EYS: variants seen among roughly 807,000 people sequenced by gnomAD.
EYS encodes protein eyes shut homolog.
A neutral mutation model predicts 282.1 loss-of-function variants in EYS; 250 were observed. The ratio of observed to expected loss-of-function variants is 0.89; its 90% CI spans 0.80 to 0.98. The LOEUF is 0.98. Among genes scored for constraint, EYS ranks in the 50% least tolerant of loss-of-function variants. The probability of loss-of-function intolerance (pLI) is 0.00; values close to 1 mark genes in which losing one functional copy is unlikely to be tolerated. For synonymous variants in EYS, 1,355 were observed against 1,282.9 expected, an observed-to-expected ratio of 1.06 and a Z score of -1.20; for missense variants, 4,016 against 3,709.0, an observed-to-expected ratio of 1.08 and a Z score of -2.15.
intron 9 of EYS, among the ~76,000 whole-genome samples, chr6:65,349,008 T>G (rs1770502239): frequency 6.6e-6 from 1 of 151,686 alleles, no homozygotes; most frequent in South Asian, 2.1e-4. Context: ...TTGTATCTAT[T>G]TCAATTTAAT....
chr6:65,413,207 T>A (rs973502571), intron 5 of EYS, among the ~76,000 whole-genome samples: 1 of 152,170 alleles, frequency 6.6e-6, no homozygotes, highest in African/African-American at 2.4e-5. Context: ...TAAAATATTC[T>A]TCATCACAGC....
chr6:65,213,401 T>G (rs1766223781), intron 12 of EYS, among the ~76,000 whole-genome samples: 1 of 152,220 alleles, frequency 6.6e-6, no homozygotes, highest in Admixed American at 6.5e-5. Flanking sequence ...TGCTTAATTG[T>G]GCCTTGCAGA....
intron 35 of EYS, among the ~76,000 whole-genome samples, chr6:63,939,358 T>C (rs1384618357): frequency 6.6e-6 from 1 of 152,148 alleles, no homozygotes; most frequent in African/African-American, 2.4e-5. Context: ...TTTAGTGTTT[T>C]AGATAAAACA....
At chr6:65,081,340 G>A (rs1484286966) in intron 12 of EYS, among the ~76,000 whole-genome samples, 1 of 151,942 alleles carries the variant, frequency 6.6e-6, no homozygotes, top group East Asian at 1.9e-4. Context: ...ACAAAACAGG[G>A]ACATGTTGGA....
intron 22 of EYS, among the ~76,000 whole-genome samples, chr6:64,740,880 AT>A (rs1342041612): frequency 2.0e-5 from 3 of 151,674 alleles, no homozygotes; most frequent in African/African-American, 7.3e-5. Context: ...CGCCTGGCTA[AT>A]TTTTTGTATT....
rs11963402 is a variant in EYS, at chr6:64,324,388, A to G, written c.6079-17306T>C. Among the ~76,000 whole-genome samples the G allele has an allele frequency of 6.1e-3, 931 of 152,322 alleles. 7 individuals are homozygous for G. The highest frequency in any genetic ancestry group is 0.021 in the African/African-American group (871 of 41,580). ...CAGAATTAAAAGCAAAAATCAAATA[A>G]TCATTGTGACAGATGCATAAAAAAG... On this transcript the variant is annotated intron_variant, in intron 29 of 42. Transcript: ENST00000503581.
At position 65,077,234 on chromosome 6, in the gene EYS, G is replaced by A. The variant is rs182554115; in HGVS notation, c.2024-19507C>T. Among the ~76,000 whole-genome samples, 471 of 152,120 alleles carry A rather than the reference G, an allele frequency of 3.1e-3. 2 individuals are homozygous for A. Among genetic ancestry groups the A allele is most frequent in the African/African-American group, 0.01 (423 of 41,518 alleles). On this transcript the variant is annotated intron_variant, in intron 12 of 42. Transcript: ENST00000503581. The stretch of plus-strand genomic sequence containing the variant: ...ATAATTATCACAGTCATCTATGTGT[G>A]GTTGTGGCCTCTGCAGAATGTCATT...
intron 36 of EYS, among the ~76,000 whole-genome samples, chr6:63,837,447 G>A (rs1771838251): frequency 6.6e-6 from 1 of 152,030 alleles, no homozygotes; most frequent in South Asian, 2.1e-4. Flanking sequence ...TATATGTCCA[G>A]AGAGTGTCCT....
At chr6:64,090,779 TCAC>T (rs1396359912) in intron 31 of EYS, among the ~76,000 whole-genome samples, 1 of 152,206 alleles carries the variant, frequency 6.6e-6, no homozygotes, top group African/African-American at 2.4e-5. Context: ...ATCCTTCCAC[TCAC>T]CACATCATTC....
At chr6:64,594,409 G>A (rs530021715) in intron 24 of EYS, among the ~76,000 whole-genome samples, 1 of 152,176 alleles carries the variant, frequency 6.6e-6, no homozygotes, top group South Asian at 2.1e-4. Flanking sequence ...TAATGGGATG[G>A]CTGGGTCAAA....
intron 36 of EYS, among the ~76,000 whole-genome samples, chr6:63,811,865 T>A (rs984771035): frequency 6.6e-6 from 1 of 152,048 alleles, no homozygotes; most frequent in African/African-American, 2.4e-5. Context: ...CTACCTCAAC[T>A]GACAAACTGA....
At chr6:63,783,584 A>G (rs929707207) in intron 39 of EYS, among the ~76,000 whole-genome samples, 1 of 152,186 alleles carries the variant, frequency 6.6e-6, no homozygotes, top group Non-Finnish European at 1.5e-5. Flanking sequence ...CTAGGTATAT[A>G]ATTATATTAG....
At chr6:64,722,185 T>C (rs1034151104) in intron 22 of EYS, among the ~76,000 whole-genome samples, 1 of 152,138 alleles carries the variant, frequency 6.6e-6, no homozygotes, top group East Asian at 1.9e-4. Flanking sequence ...GGAAATGGTC[T>C]AAAAGAAATC....
intron 26 of EYS, among the ~76,000 whole-genome samples, chr6:64,534,693 C>G (rs1172640851): frequency 6.6e-6 from 1 of 152,012 alleles, no homozygotes; most frequent in African/African-American, 2.4e-5. Flanking sequence ...TTTGGCTGTT[C>G]CAATTAATTA....
intron 41 of EYS, among the ~76,000 whole-genome samples, chr6:63,749,142 A>G (rs1769280811): frequency 6.6e-6 from 1 of 152,092 alleles, no homozygotes; most frequent in Non-Finnish European, 1.5e-5. Context: ...TATCCTCTTG[A>G]CACTGTCTTA....
intron 15 of EYS, among the ~76,000 whole-genome samples, chr6:64,922,826 A>G (rs1051792424): frequency 1.3e-5 from 2 of 152,156 alleles, no homozygotes; most frequent in African/African-American, 4.8e-5. Flanking sequence ...TATGACAGTC[A>G]TCTGGGTCTC....
chr6:65,410,598 C>CT (rs375882636), intron 5 of EYS, among the ~76,000 whole-genome samples: 27,286 of 133,452 alleles, frequency 0.2, 3,122 homozygotes, highest in Admixed American at 0.26. Context: ...ATGATACTAG[C>CT]TTTTTTTTTT....
intron 12 of EYS, among the ~76,000 whole-genome samples, chr6:65,181,332 A>G (rs1160929091): frequency 6.6e-6 from 1 of 152,190 alleles, no homozygotes; most frequent in Admixed American, 6.5e-5. Flanking sequence ...AATATCCAGA[A>G]TCTACAATGG....
intron 35 of EYS, among the ~76,000 whole-genome samples, chr6:63,951,069 A>C (rs1448815960): frequency 6.6e-6 from 1 of 151,856 alleles, no homozygotes; most frequent in East Asian, 2.0e-4. Context: ...CTAGGGGGCA[A>C]GCACCCCTCA....
Sources: gnomAD v4.1 joint callset for allele counts (sites outside exome capture counted in the v4.1 genomes callset) on GRCh38, gnomAD v4.1.1 for gene constraint, MANE v1.5 for transcripts, NCBI Gene and HGNC (gene_info 2026-07-23, HGNC 2026-07-21) for gene names.